The following BROX variants were observed in gnomAD, a reference collection of about 807,000 sequenced individuals.
BROX encodes the protein BRO1 domain and CAAX motif containing.
Under a neutral mutation model 61.0 loss-of-function variants are expected in BROX, and 53 were observed. The observed-to-expected ratio is 0.87, with a 90% CI of 0.70 to 1.09. The LOEUF (loss-of-function observed/expected upper bound fraction) is 1.09. BROX is among the 50% of genes least tolerant of loss of function. BROX has a pLI of 0.00. For synonymous variants in BROX, 152 were observed against 160.2 expected, an observed-to-expected ratio of 0.95 and a Z score of 0.38; for missense variants, 489 against 472.0, an observed-to-expected ratio of 1.04 and a Z score of -0.33.
At chr1:222,714,870 A>G (rs1425823799) in intron 1 of BROX, among the ~76,000 whole-genome samples, 6 of 152,150 alleles carry the variant, frequency 3.9e-5, no homozygotes, top group African/African-American at 1.4e-4. Context: ...ATGAGCCACC[A>G]TGCCCAGCCC....
intron 6 of BROX, among the ~76,000 whole-genome samples, chr1:222,725,096 TTA>T (rs1290021875): frequency 6.6e-6 from 1 of 152,016 alleles, no homozygotes; most frequent in Admixed American, 6.6e-5. Context: ...CCCAGCCTCT[TTA>T]TATCTTTAAT....
intron 1 of BROX, 81 bp downstream of exon 1, chr1:222,713,023 T>G: frequency 3.4e-6 from 4 of 1,163,084 alleles, no homozygotes; most frequent in Non-Finnish European, 4.3e-6. Context: ...GATCACCCCC[T>G]TTTACATTAG....
At chr1:222,715,860 T>A in intron 2 of BROX, 60 bp downstream of exon 2, 1 of 914,964 alleles carries the variant, frequency 1.1e-6, no homozygotes, top group Non-Finnish European at 1.7e-6. Context: ...TCCATGGCAA[T>A]ACAGAAATAT....
chr1:222,718,852 A>G, intron 2 of BROX, 73 bp from the exon 3 acceptor site: 1 of 1,231,010 alleles, frequency 8.1e-7, no homozygotes, highest in Non-Finnish European at 1.2e-6. Flanking sequence ...TTTACATTGA[A>G]ACCTGGAAGC....
At chr1:222,715,978 G>T (rs552756886) in intron 2 of BROX, among the ~76,000 whole-genome samples, 178 bp downstream of exon 2, 1 of 152,166 alleles carries the variant, frequency 6.6e-6, no homozygotes, top group South Asian at 2.1e-4. Context: ...CTTAATTTTA[G>T]ATCAGTAAAT....
intron 6 of BROX, 23 bp downstream of exon 6, chr1:222,724,187 A>G (rs777255714): frequency 6.4e-6 from 10 of 1,564,468 alleles, no homozygotes; most frequent in South Asian, 1.2e-5. Context: ...AACAAAAACC[A>G]TTATTTGTTC....
chr1:222,718,118 C>T (rs529914592), intron 2 of BROX: 1 of 151,800 alleles, frequency 6.6e-6, no homozygotes, highest in Admixed American at 6.6e-5. Context: ...AGAGAGAAAA[C>T]CAGAAAGCCA....
chr1:222,728,881 G>T, intron 9 of BROX, 53 bp downstream of exon 9: 2 of 1,320,990 alleles, frequency 1.5e-6, no homozygotes, highest in South Asian at 2.7e-5. Flanking sequence ...TCCAGCCCTT[G>T]GAGTGCCAGG....
chr1:222,714,780 A>G (rs72740117), intron 1 of BROX, among the ~76,000 whole-genome samples: 5,169 of 151,020 alleles, frequency 0.034, 153 homozygotes, highest in Non-Finnish European at 0.051. Flanking sequence ...GGGTCTCACC[A>G]TGTTGCCCAA....
In BROX at chr1:222,732,647, A is replaced by T. The variant is rs759388524; in HGVS notation, c.1169A>T (p.Glu390Val). The T allele has an allele frequency of 6.2e-7, 1 of 1,613,714 alleles. No individual in the cohort carries two copies. The highest frequency in any genetic ancestry group is 2.2e-5 in the East Asian group (1 of 44,788). ...KDDSTKPKPE[E>V]EVKPVKEPDI... The stretch of plus-strand genomic sequence containing the variant: ...CCCTAGACTAAACCCAAACCAGAAG[A>T]AGAAGTGAAACCTGTGAAAGAACCA... Residue 390 changes from glutamate to valine, a missense_variant, in exon 13 of 13, where the codon GAA (glutamate) becomes GTA (valine). Physicochemically the swap from Glu to Val is moderately radical, Grantham distance 121 (BLOSUM62 -2). Transcript: ENST00000340934.
intron 3 of BROX, 92 bp from the exon 4 acceptor site, chr1:222,719,171 C>A: frequency 8.0e-7 from 1 of 1,255,322 alleles, no homozygotes; most frequent in Non-Finnish European, 1.1e-6. Flanking sequence ...CATTCAGACA[C>A]CTGGAAAAGT....
chr1:222,730,158 CAG>C lies in BROX; in HGVS notation c.976_977del (p.Glu326LysfsTer48), dbSNP rs1657830376. On this transcript the variant is annotated frameshift_variant, in exon 11 of 13. Coordinates refer to ENST00000340934, the MANE Select transcript of BROX (RefSeq NM_144695.4). LOFTEE classifies it high-confidence loss of function. ...TGTGAAGAACACCCTAGAAAAATGT[CAG>C]AGAGAAAATGGATTTATGTGAGTAC... ...NLVKNTLEKC[Q>X]RENGFIYFQK... 6.2e-7 allele frequency: 1 copy of C among 1,607,064 alleles called. No homozygotes were observed. The highest frequency in any genetic ancestry group is 1.7e-5 in the Admixed American group (1 of 59,346).
Position 222,727,251 on chromosome 1 carries a change from AAAG to A in BROX, c.665_667del (p.Lys222_Ala223delinsThr), listed in dbSNP as rs1246335221. On this transcript the variant is annotated inframe_deletion, in exon 8 of 13. Coordinates refer to ENST00000340934, the MANE Select transcript of BROX (RefSeq NM_144695.4). ...GTATGAAACAGCCAATTTCTATCAA[AAAG>A]CTGGTAAGCTTCTAATTCTGTCGTT... is the stretch of plus-strand genomic sequence containing the variant. The A allele has an allele frequency of 2.5e-6, 4 of 1,607,178 alleles. No individual in the cohort carries two copies. Among genetic ancestry groups the A allele is most frequent in the Non-Finnish European group, 3.4e-6 (4 of 1,174,104 alleles).
At position 222,719,063 on chromosome 1, in the gene BROX, A is replaced by T. The variant is rs749162851; in HGVS notation, c.208+32A>T. ...TATTTATATGAACTTGAGGTTTTTT[A>T]AAAAACTGTCTAAAAGTTTACATTT... On this transcript the variant is annotated intron_variant, in intron 3 of 12. Coordinates refer to ENST00000340934, the MANE Select transcript of BROX (RefSeq NM_144695.4). 4.5e-6 allele frequency: 7 copies of T among 1,549,418 alleles called. No homozygotes were observed. The African/African-American group carries it at 5.5e-5, about 12-fold the overall frequency.
At chr1:222,732,267 G>T (rs1657995084) in intron 12 of BROX, among the ~76,000 whole-genome samples, 3 of 151,976 alleles carry the variant, frequency 2.0e-5, no homozygotes, top group Non-Finnish European at 2.9e-5. Context: ...ACAATGTGCA[G>T]GTTAGTTACA....
intron 2 of BROX, among the ~76,000 whole-genome samples, chr1:222,716,469 C>G (rs1656623776): frequency 6.6e-6 from 1 of 152,214 alleles, no homozygotes; most frequent in South Asian, 2.1e-4. Flanking sequence ...TCCCTGTGAC[C>G]TGAAATGGCC....
At chr1:222,721,455 AAGT>A (rs1657095612) in intron 4 of BROX, among the ~76,000 whole-genome samples, 1 of 152,020 alleles carries the variant, frequency 6.6e-6, no homozygotes. Flanking sequence ...AAAAAATAAA[AAGT>A]AGAATGATAA....
At chr1:222,719,400 TG>T (rs746360503) in intron 4 of BROX, 41 bp downstream of exon 4, 9 of 1,379,296 alleles carry the variant, frequency 6.5e-6, no homozygotes, top group Middle Eastern at 1.8e-4. Flanking sequence ...AGCCAGTTTT[TG>T]TAACTATGTA....
chr1:222,731,527 G>GC lies in BROX; in HGVS notation c.1149+11_1149+12insC. On this transcript the variant is annotated intron_variant, in intron 12 of 12. Transcript: ENST00000340934. ...CCCAAGGATGACAGTGTATGAGATTGTTTTTTTTTTTCCCTCTCATTCACA... is the reference window on the plus strand; with the variant it reads ...CCCAAGGATGACAGTGTATGAGATTGCTTTTTTTTTTTCCCTCTCATTCACA... 8.1e-7 allele frequency: 1 copy of GC among 1,233,028 alleles called. No homozygotes were observed. Among genetic ancestry groups the GC allele is most frequent in the Non-Finnish European group, 1.1e-6 (1 of 915,654 alleles). 76.4% of individuals were successfully genotyped at this position (1,233,028 alleles called of 1,614,324 possible). A position where few individuals can be genotyped will look rare whatever the true frequency, so the allele number is the denominator to read the frequency against.
Sources: gnomAD v4.1 joint callset for allele counts (sites outside exome capture counted in the v4.1 genomes callset) on GRCh38, gnomAD v4.1.1 for gene constraint, MANE v1.5 for transcripts, NCBI Gene and HGNC (gene_info 2026-07-23, HGNC 2026-07-21) for gene names.